The following RALGAPA2 variants were observed in gnomAD, a reference collection of about 807,000 sequenced individuals.
RALGAPA2 encodes ral GTPase-activating protein subunit alpha-2.
RALGAPA2 carries 139 observed loss-of-function variants against 230.4 expected under a neutral mutation model. The ratio of observed to expected loss-of-function variants is 0.60; its 90% CI spans 0.53 to 0.69. RALGAPA2 has a LOEUF of 0.69. RALGAPA2 is among the 30% of genes least tolerant of loss of function. The probability of loss-of-function intolerance (pLI) is 0.00; values close to 1 mark genes in which losing one functional copy is unlikely to be tolerated. For missense variants in RALGAPA2, 2,163 were observed against 2,276.0 expected (o/e 0.95, Z 1.01); for synonymous variants, 847 against 837.8 (o/e 1.01, Z -0.19).
chr20:20,537,578 C>T (rs887771711), intron 24 of RALGAPA2, among the ~76,000 whole-genome samples: 5 of 149,190 alleles, frequency 3.4e-5, no homozygotes, highest in Non-Finnish European at 7.4e-5. Flanking sequence ...CAACACAGTG[C>T]CACTGCACTC....
At chr20:20,548,590 C>T (rs1320808056) in intron 23 of RALGAPA2, among the ~76,000 whole-genome samples, 1 of 152,104 alleles carries the variant, frequency 6.6e-6, no homozygotes, top group East Asian at 1.9e-4. Flanking sequence ...ATGAACCATG[C>T]TTCTTCCAGG....
At chr20:20,624,129 C>A (rs1359871333) in intron 10 of RALGAPA2, among the ~76,000 whole-genome samples, 2 of 152,058 alleles carry the variant, frequency 1.3e-5, no homozygotes, top group Non-Finnish European at 2.9e-5. Flanking sequence ...GAGTTCGAGA[C>A]CAGCTTGGCC....
intron 9 of RALGAPA2, among the ~76,000 whole-genome samples, chr20:20,629,942 C>T (rs1273028575): frequency 4.6e-5 from 7 of 152,228 alleles, no homozygotes; most frequent in Admixed American, 1.3e-4. Context: ...CAGGTCTCTA[C>T]ACTTTAGCAT....
chr20:20,479,587 A>G (rs781461633), intron 36 of RALGAPA2, among the ~76,000 whole-genome samples: 14 of 152,264 alleles, frequency 9.2e-5, no homozygotes, highest in Non-Finnish European at 1.8e-4. Context: ...AATCCAGTTA[A>G]GGAAAAAATT....
intron 38 of RALGAPA2, among the ~76,000 whole-genome samples, chr20:20,400,437 G>A (rs982928172): frequency 6.6e-6 from 1 of 152,172 alleles, no homozygotes; most frequent in Non-Finnish European, 1.5e-5. Flanking sequence ...CTCCCGTGCA[G>A]GGGCTAAGTG....
At position 20,622,982 on chromosome 20, in the gene RALGAPA2, G is replaced by A. The variant is rs114257587; in HGVS notation, c.1234-2352C>T. Among the ~76,000 whole-genome samples, 126 of 152,200 alleles carry A rather than the reference G, an allele frequency of 8.3e-4. 1 individual carries two copies. The highest frequency in any genetic ancestry group is 2.8e-3 in the African/African-American group (117 of 41,528). ...GAAATTAATGCTAGCATTTATGTTA[G>A]GAATGCATGTGTTAACTATTAAAGT... On this transcript the variant is annotated intron_variant, in intron 10 of 39. Transcript: ENST00000202677.
intron 10 of RALGAPA2, among the ~76,000 whole-genome samples, chr20:20,621,695 T>C (rs1343971777): frequency 6.6e-6 from 1 of 152,210 alleles, no homozygotes; most frequent in African/African-American, 2.4e-5. Context: ...ATACAACAAT[T>C]TTGATTTAAT....
At chr20:20,654,980 T>C (rs1293484264) in intron 3 of RALGAPA2, among the ~76,000 whole-genome samples, 1 of 152,232 alleles carries the variant, frequency 6.6e-6, no homozygotes, top group Admixed American at 6.5e-5. Flanking sequence ...TTAATTTGCA[T>C]TTTCCTGATG....
At chr20:20,622,349 T>C (rs989011114) in intron 10 of RALGAPA2, among the ~76,000 whole-genome samples, 1 of 152,022 alleles carries the variant, frequency 6.6e-6, no homozygotes, top group African/African-American at 2.4e-5. Context: ...GGGTGAAATA[T>C]ATCAATCCTT....
intron 1 of RALGAPA2, among the ~76,000 whole-genome samples, chr20:20,684,834 G>A (rs776453178): frequency 9.9e-5 from 15 of 152,148 alleles, no homozygotes; most frequent in Admixed American, 6.5e-5. Flanking sequence ...CCTGAAGAAC[G>A]GAGCTTGGTA....
In RALGAPA2 at chr20:20,410,691, T is replaced by C. The variant is rs145292586; in HGVS notation, c.5617+1336A>G. Among the ~76,000 whole-genome samples, 222 of 152,360 alleles carry C rather than the reference T, an allele frequency of 1.5e-3. 1 individual carries two copies. The highest frequency in any genetic ancestry group is 5.1e-3 in the African/African-American group (214 of 41,580). On this transcript the variant is annotated intron_variant, in intron 38 of 39. Transcript: ENST00000202677. Reference sequence around the variant, plus strand: ...TGGCAGAGTGTATAAAAGAATTCAATTCACAGCTGTTCCACTTTTTTAATG... The same window carrying C: ...TGGCAGAGTGTATAAAAGAATTCAACTCACAGCTGTTCCACTTTTTTAATG...
At chr20:20,707,084 C>T (rs146297341) in intron 1 of RALGAPA2, among the ~76,000 whole-genome samples, 230 of 152,306 alleles carry the variant, frequency 1.5e-3, no homozygotes, top group African/African-American at 5.2e-3. Flanking sequence ...TCATCTTCCC[C>T]GTCCTTGCCC....
intron 10 of RALGAPA2, among the ~76,000 whole-genome samples, chr20:20,624,179 T>C (rs1286267553): frequency 6.6e-6 from 1 of 151,816 alleles, no homozygotes; most frequent in East Asian, 1.9e-4. Flanking sequence ...ATACAAAAAT[T>C]AGCTGGGTGT....
At chr20:20,458,097 G>C (rs2061166349) in intron 37 of RALGAPA2, among the ~76,000 whole-genome samples, 1 of 152,188 alleles carries the variant, frequency 6.6e-6, no homozygotes, top group Non-Finnish European at 1.5e-5. Flanking sequence ...TGCGCCCTTA[G>C]CCATTCCTTT....
At chr20:20,421,622 A>G (rs1210710960) in intron 37 of RALGAPA2, among the ~76,000 whole-genome samples, 1 of 152,194 alleles carries the variant, frequency 6.6e-6, no homozygotes, top group African/African-American at 2.4e-5. Context: ...GTGAGCCAAG[A>G]TCACACCATT....
Position 20,505,611 on chromosome 20 carries a change from A to C in RALGAPA2, c.4929-77T>G. 4.7e-6 allele frequency: 6 copies of C among 1,271,340 alleles called. No homozygotes were observed. The South Asian group carries it at 9.4e-5, about 20-fold the overall frequency. The allele number at this position is 1,271,340 out of a possible 1,614,324, so 78.8% of individuals were successfully genotyped here. On this transcript the variant is annotated intron_variant, in intron 33 of 39. Coordinates refer to ENST00000202677, the MANE Select transcript of RALGAPA2 (RefSeq NM_020343.4). ...CTTCACTACTATTAATACCACCAGC[A>C]TGACTTCTACCACTGAGCTTACATT...
chr20:20,704,143 G>T (rs1188348670), intron 1 of RALGAPA2, among the ~76,000 whole-genome samples: 1 of 152,076 alleles, frequency 6.6e-6, no homozygotes, highest in Admixed American at 6.5e-5. Flanking sequence ...GCCATGGTGT[G>T]AGAACTCCCT....
intron 1 of RALGAPA2, among the ~76,000 whole-genome samples, 168 bp from the exon 2 acceptor site, chr20:20,680,969 T>C (rs1363940437): frequency 6.6e-6 from 1 of 152,198 alleles, no homozygotes; most frequent in African/African-American, 2.4e-5. Flanking sequence ...AAGAGAGTTC[T>C]TACTTGAACC....
chr20:20,674,650 C>T (rs565301353), intron 3 of RALGAPA2, among the ~76,000 whole-genome samples: 34 of 152,150 alleles, frequency 2.2e-4, no homozygotes, highest in Non-Finnish European at 4.1e-4. Context: ...TTTACTTAAT[C>T]CAGCAGTGGG....
Sources: gnomAD v4.1 joint callset for allele counts (sites outside exome capture counted in the v4.1 genomes callset) on GRCh38, gnomAD v4.1.1 for gene constraint, MANE v1.5 for transcripts, NCBI Gene and HGNC (gene_info 2026-07-23, HGNC 2026-07-21) for gene names.